The following PDZD7 variants were observed in gnomAD, a reference collection of about 807,000 sequenced individuals.
The protein encoded by PDZD7 is PDZ domain containing 7.
A neutral mutation model predicts 84.7 loss-of-function variants in PDZD7; 72 were observed. The ratio of observed to expected loss-of-function variants is 0.85; its 90% CI spans 0.70 to 1.03. The LOEUF is 1.03. Ranked by LOEUF, PDZD7 falls within the 50% of genes least tolerant of loss-of-function variation. The pLI is 0.00. For missense variants in PDZD7, 1,490 were observed against 1,412.9 expected, an observed-to-expected ratio of 1.05 and a Z score of -0.87; for synonymous variants, 594 against 580.7, an observed-to-expected ratio of 1.02 and a Z score of -0.33.
rs1852870218 is a variant in PDZD7 at position 101,018,914 on chromosome 10, G to T, written c.1232C>A (p.Ala411Glu). The T allele has an allele frequency of 6.2e-7, 1 of 1,604,388 alleles. No homozygotes were observed. Among genetic ancestry groups the T allele is most frequent in the Non-Finnish European group, 8.5e-7 (1 of 1,176,132 alleles). ...AGCCGTCTTGGGAGACTCAGAGAGCGCAGAGTCAAGGCGGCGGCCGGGATG... is the reference window on the plus strand; with the variant it reads ...AGCCGTCTTGGGAGACTCAGAGAGCTCAGAGTCAAGGCGGCGGCCGGGATG... ...GPHPGRRLDSALSESPKTALL... is the reference protein window; with the variant it reads ...GPHPGRRLDSELSESPKTALL... Residue 411 changes from alanine (A) to glutamate (E), a missense_variant, in exon 8 of 17, where the codon GCG (alanine) becomes GAG (glutamate). Ala to Glu is a moderately radical substitution (Grantham distance 107, BLOSUM62 -1). Transcript: ENST00000619208.
In PDZD7 at chr10:101,030,394, G is replaced by C. The variant is rs1938058144; in HGVS notation, c.-165-10C>G. 1.4e-6 allele frequency: 1 copy of C among 705,938 alleles called. No homozygotes were observed. The highest frequency in any genetic ancestry group is 2.6e-6 in the Non-Finnish European group (1 of 389,490). 43.7% of individuals were successfully genotyped at this position (705,938 alleles called of 1,614,324 possible). ...AGTGTGAGCTCCAGGCCTGGGCAGG[G>C]AGAGCAGGGATGAGGGAGGGGTGTA... On this transcript the variant is annotated splice_polypyrimidine_tract_variant and intron_variant, in intron 1 of 16. Coordinates refer to ENST00000619208, the MANE Select transcript of PDZD7 (RefSeq NM_001195263.2).
chr10:101,011,818 A>G, intron 13 of PDZD7, 57 bp from the exon 14 acceptor site: 1 of 1,550,428 alleles, frequency 6.4e-7, no homozygotes, highest in South Asian at 1.2e-5. Flanking sequence ...TCCGGGACGG[A>G]GGCAGCTCAA....
chr10:101,007,965 G>C lies in PDZD7; in HGVS notation c.*502C>G, dbSNP rs1564820851. 7.3e-6 allele frequency: 1 copy of C among 136,492 alleles called. No homozygotes were observed. The highest frequency in any genetic ancestry group is 1.5e-5 in the Non-Finnish European group (1 of 67,338). 8.5% of individuals were successfully genotyped at this position (136,492 alleles called of 1,614,324 possible). A position where few individuals can be genotyped will look rare whatever the true frequency, so the allele number is the denominator to read the frequency against. ...AGGTGATGGAGGAAGGACAAATCCAGTAGAATGTCTGAGGTCTTAGTGGAC... is the reference window on the plus strand; with the variant it reads ...AGGTGATGGAGGAAGGACAAATCCACTAGAATGTCTGAGGTCTTAGTGGAC... On this transcript the variant is annotated 3_prime_UTR_variant, in exon 17 of 17. Transcript: ENST00000619208.
chr10:101,025,622 A>G (rs1444436412), intron 2 of PDZD7, among the ~76,000 whole-genome samples: 1 of 149,956 alleles, frequency 6.7e-6, no homozygotes, highest in Non-Finnish European at 1.5e-5. Context: ...ATCTCAGCTC[A>G]CTGCAAGCTC....
At chr10:101,030,478 C>T in intron 1 of PDZD7, 94 bp from the exon 2 acceptor site, 2 of 625,452 alleles carry the variant, frequency 3.2e-6, no homozygotes, top group East Asian at 2.8e-5. Context: ...AAGCATCCTG[C>T]CCTCCCATGC....
At chr10:101,026,847 T>C (rs184258767) in intron 2 of PDZD7, among the ~76,000 whole-genome samples, 1 of 152,088 alleles carries the variant, frequency 6.6e-6, no homozygotes, top group Admixed American at 6.5e-5. Flanking sequence ...GCTGATTAGA[T>C]TACACAGATC....
chr10:101,024,835 ATGTGTGTGTG>A (rs61697970), intron 2 of PDZD7, among the ~76,000 whole-genome samples: 1 of 148,232 alleles, frequency 6.7e-6, no homozygotes, highest in East Asian at 2.0e-4. Flanking sequence ...CCTTCCTAAT[ATGTGTGTGTG>A]TGTGTGTGTG....
chr10:101,010,911 C>G (rs547336523), intron 14 of PDZD7, 28 bp from the exon 15 acceptor site: 1 of 1,517,042 alleles, frequency 6.6e-7, no homozygotes, highest in South Asian at 1.2e-5. Context: ...GGTCAGCTGC[C>G]CACTCCTCCC....
At chr10:101,014,642 A>G (rs1453142918) in intron 11 of PDZD7, among the ~76,000 whole-genome samples, 3 of 150,472 alleles carry the variant, frequency 2.0e-5, no homozygotes, top group Non-Finnish European at 2.9e-5. Flanking sequence ...ATAAATGACC[A>G]TGTCTCAGTC....
chr10:101,026,237 C>A (rs1222211536), intron 2 of PDZD7, among the ~76,000 whole-genome samples: 1 of 151,756 alleles, frequency 6.6e-6, no homozygotes, highest in African/African-American at 2.4e-5. Context: ...TGGGTTCAAG[C>A]GATTCTCCTG....
In PDZD7 at chr10:101,008,746, C is replaced by T. The variant is rs1432512779; in HGVS notation, c.2823G>A (p.Glu941=). 2.6e-6 allele frequency: 4 copies of T among 1,535,762 alleles called. No individual in the cohort carries two copies. The highest frequency in any genetic ancestry group is 1.2e-5 in the South Asian group (1 of 84,056). The change falls in exon 17 of 17, where the codon GAG becomes GAA. Residue 941 remains glutamate, a synonymous_variant. Coordinates refer to ENST00000619208, the MANE Select transcript of PDZD7 (RefSeq NM_001195263.2). ...IRRAYRNKAR[E]PMELVVRVPG... ...GGACCCTGACCACAAGCTCCATGGG[C>T]TCCCGGGCCTTGTTTCGATAAGCCC...
Position 101,011,703 on chromosome 10 carries a change from G to A in PDZD7, c.1992C>T (p.Ile664=). The A allele has an allele frequency of 2.6e-6, 4 of 1,540,086 alleles. No homozygotes were observed. The South Asian group carries it at 4.8e-5, about 18-fold the overall frequency. The change falls in exon 14 of 17, where the codon ATC becomes ATT. Residue 664 remains isoleucine, a synonymous_variant. Coordinates refer to ENST00000619208, the MANE Select transcript of PDZD7 (RefSeq NM_001195263.2). ...RQDTPPKRHL[I]TPVPDSRGGF... ...ACTCTGACTGACCAGGCACGGGGGT[G>A]ATAAGGTGACGCTTGGGTGGCGTGT...
intron 4 of PDZD7, 74 bp downstream of exon 4, chr10:101,023,362 T>G: frequency 3.2e-6 from 5 of 1,557,672 alleles, no homozygotes; most frequent in African/African-American, 2.7e-5. Flanking sequence ...CTCCTGCCAG[T>G]GGGTTTTGGG....
intron 15 of PDZD7, 137 bp downstream of exon 15, chr10:101,010,135 T>G: frequency 8.9e-7 from 1 of 1,123,018 alleles, no homozygotes. Context: ...CCTCAAGTGA[T>G]CCGCCTGCCT....
At chr10:101,023,838 C>T in intron 3 of PDZD7, 90 bp downstream of exon 3, 1 of 1,602,480 alleles carries the variant, frequency 6.2e-7, no homozygotes, top group Non-Finnish European at 8.5e-7. Context: ...GGGGACTCTT[C>T]CGTCTGTCCC....
At chr10:101,022,967 T>G (rs11190795) in intron 4 of PDZD7, among the ~76,000 whole-genome samples, 46,180 of 151,668 alleles carry the variant, frequency 0.3, 8,467 homozygotes, top group Middle Eastern at 0.43. Flanking sequence ...AGACGGGGTT[T>G]CTCCATGTTG....
At chr10:101,020,744 C>A in intron 6 of PDZD7, 66 bp from the exon 7 acceptor site, 1 of 1,184,718 alleles carries the variant, frequency 8.4e-7, no homozygotes, top group Middle Eastern at 2.0e-4. Flanking sequence ...GAGAATGGGG[C>A]GGGGGTGACA....
intron 7 of PDZD7, among the ~76,000 whole-genome samples, 171 bp from the exon 8 acceptor site, chr10:101,019,388 A>G (rs1321948198): frequency 6.6e-6 from 1 of 152,126 alleles, no homozygotes; most frequent in Non-Finnish European, 1.5e-5. Context: ...GACCTAAGGC[A>G]TGTCACTTCT....
chr10:101,015,853 C>T (rs1302321604), intron 10 of PDZD7, 42 bp from the exon 11 acceptor site: 6 of 1,523,050 alleles, frequency 3.9e-6, no homozygotes, highest in Non-Finnish European at 5.3e-6. Context: ...AGGGGCTTCC[C>T]TCAGCAGGGC....
Sources: gnomAD v4.1 joint callset for allele counts (sites outside exome capture counted in the v4.1 genomes callset) on GRCh38, gnomAD v4.1.1 for gene constraint, MANE v1.5 for transcripts, NCBI Gene and HGNC (gene_info 2026-07-23, HGNC 2026-07-21) for gene names.